Variants in NFIL3 observed in about 807,000 individuals in gnomAD.
NFIL3 encodes nuclear factor, interleukin 3 regulated, also known as nuclear factor interleukin-3-regulated protein.
Under a neutral mutation model 10.0 loss-of-function variants are expected in NFIL3, and 5 were observed. That is an observed-to-expected ratio of 0.50 (90% CI 0.26 to 1.06). The LOEUF (loss-of-function observed/expected upper bound fraction) is 1.06. NFIL3 is among the 50% of genes least tolerant of loss of function. The pLI is 0.13. For missense variants in NFIL3, 436 were observed against 547.6 expected, an observed-to-expected ratio of 0.80 and a Z score of 2.03; for synonymous variants, 202 against 206.5, an observed-to-expected ratio of 0.98 and a Z score of 0.19.
At chr9:91,475,679 C>T in the NFIL3 span, among the ~76,000 whole-genome samples, 57 of 151,992 alleles carry the variant, frequency 3.8e-4, 1 homozygote, top group Non-Finnish European at 7.4e-5. Flanking sequence ...TATGCCAGGG[C>T]ATGGTGGGTT....
At chr9:91,468,921 T>G in the NFIL3 span, among the ~76,000 whole-genome samples, 2 of 152,246 alleles carry the variant, frequency 1.3e-5, no homozygotes, top group African/African-American at 4.8e-5. Flanking sequence ...ACCAGTACCA[T>G]GCTGTTTTGG....
At chr9:91,424,146 C>T (rs1300659091), upstream of NFIL3, among the ~76,000 whole-genome samples, 2 of 152,020 alleles carry the variant, frequency 1.3e-5, no homozygotes, top group African/African-American at 4.8e-5. Context: ...GCCGACACGA[C>T]CGGAGCGAGC....
chr9:91,453,295 A>C, the NFIL3 span, among the ~76,000 whole-genome samples: 8 of 152,138 alleles, frequency 5.3e-5, no homozygotes, highest in African/African-American at 1.2e-4. Flanking sequence ...TACCTCTGAA[A>C]AGACTCTATC....
upstream of NFIL3, among the ~76,000 whole-genome samples, chr9:91,425,226 A>G (rs182824876): frequency 6.1e-3 from 933 of 152,360 alleles, 4 homozygotes; most frequent in Non-Finnish European, 9.7e-3. Flanking sequence ...AAACCAAAGT[A>G]AAGAGAAGAG....
the NFIL3 span, among the ~76,000 whole-genome samples, chr9:91,467,460 T>A: frequency 6.6e-6 from 1 of 152,198 alleles, no homozygotes; most frequent in Non-Finnish European, 1.5e-5. Flanking sequence ...TTTTGTATAT[T>A]AACCATGTAT....
chr9:91,410,321 A>T lies in NFIL3; in HGVS notation c.414T>A (p.Ile138=), dbSNP rs936109679. Residue 138 remains isoleucine (I), a synonymous_variant, in exon 2 of 2, where the codon ATT becomes ATA. Coordinates refer to ENST00000297689, the MANE Select transcript of NFIL3 (RefSeq NM_005384.3). This position sits in a 1 kb window ranked among gnomAD's most constrained non-coding sequence, Gnocchi z 5.7. ...LISSTAYAQE[I]QKLSNSTAVY... ...CAGCTGTAGAATTACTGAGTTTCTG[A>T]ATCTCTTGAGCATATGCTGTGGAGC... 6.8e-6 allele frequency: 11 copies of T among 1,614,074 alleles called. No individual in the cohort carries two copies. In the African/African-American group the frequency reaches 1.5e-4, roughly 22 times the overall value.
chr9:91,455,802 C>T, the NFIL3 span, among the ~76,000 whole-genome samples: 15 of 152,264 alleles, frequency 9.9e-5, no homozygotes, highest in Non-Finnish European at 1.9e-4. Context: ...ACGCTATGCA[C>T]GTGGGAGTTA....
chr9:91,423,121 C>A (rs553611007), intron 1 of NFIL3, among the ~76,000 whole-genome samples: 42 of 152,294 alleles, frequency 2.8e-4, no homozygotes, highest in South Asian at 8.3e-4. Context: ...GCCGCGCAGG[C>A]ATTCTCCGAA....
chr9:91,453,979 G>C, the NFIL3 span, among the ~76,000 whole-genome samples: 5 of 151,602 alleles, frequency 3.3e-5, no homozygotes, highest in African/African-American at 1.2e-4. Context: ...CATGCCTGTA[G>C]TCCCAGCACT....
chr9:91,428,123 A>G (rs751823573), upstream of NFIL3, among the ~76,000 whole-genome samples: 5 of 152,224 alleles, frequency 3.3e-5, no homozygotes, highest in South Asian at 1.0e-3. Context: ...CCACTCATGC[A>G]CTTTTATTTC....
chr9:91,409,838 G>A lies in NFIL3; in HGVS notation c.897C>T (p.Ile299=), dbSNP rs1833507396. 2 of 1,613,950 alleles carry A rather than the reference G, an allele frequency of 1.2e-6. No homozygotes were observed. Among genetic ancestry groups the A allele is most frequent in the African/African-American group, 2.7e-5 (2 of 74,848 alleles). ...EDEQQVPKGP[I]HSPVELKHVH... ...CATGCTTGAGTTCAACTGGAGAATG[G>A]ATGGGGCCCTTGGGGACCTGTTGCT... The change falls in exon 2 of 2, where the codon ATC becomes ATT. Residue 299 remains isoleucine (I), a synonymous_variant. Transcript: ENST00000297689.
the NFIL3 span, among the ~76,000 whole-genome samples, chr9:91,436,159 C>T: frequency 1.3e-5 from 2 of 152,248 alleles, no homozygotes; most frequent in African/African-American, 4.8e-5. Flanking sequence ...GCATGGCACA[C>T]TCCTCCAATG....
At chr9:91,482,474 C>T in the NFIL3 span, among the ~76,000 whole-genome samples, 1 of 151,806 alleles carries the variant, frequency 6.6e-6, no homozygotes. Context: ...GGTGATTTTA[C>T]TAGGAGTATA....
chr9:91,483,002 C>T, the NFIL3 span, among the ~76,000 whole-genome samples: 3 of 152,142 alleles, frequency 2.0e-5, no homozygotes, highest in East Asian at 5.8e-4. Flanking sequence ...CATGGGCTTC[C>T]ACAACATCCC....
At chr9:91,461,513 G>T in the NFIL3 span, among the ~76,000 whole-genome samples, 102 of 152,284 alleles carry the variant, frequency 6.7e-4, no homozygotes, top group African/African-American at 2.4e-3. Flanking sequence ...AGATCTGGAG[G>T]TCAGAAGTCT....
chr9:91,450,321 T>A, the NFIL3 span, among the ~76,000 whole-genome samples: 1 of 152,236 alleles, frequency 6.6e-6, no homozygotes, highest in Non-Finnish European at 1.5e-5. Flanking sequence ...TCTTCCTTCT[T>A]TTTAATGTTG....
At chr9:91,416,215 G>T (rs530757685) in intron 1 of NFIL3, among the ~76,000 whole-genome samples, 2 of 150,954 alleles carry the variant, frequency 1.3e-5, no homozygotes, top group Admixed American at 1.3e-4. Flanking sequence ...CATGAGGCGG[G>T]GGACAGTGTC....
chr9:91,444,786 T>G, the NFIL3 span, among the ~76,000 whole-genome samples: 2 of 152,348 alleles, frequency 1.3e-5, no homozygotes, highest in East Asian at 3.9e-4. Flanking sequence ...GTTATTAGGA[T>G]TCTTGGTGGC....
At chr9:91,465,977 G>A in the NFIL3 span, among the ~76,000 whole-genome samples, 24 of 150,350 alleles carry the variant, frequency 1.6e-4, no homozygotes, top group African/African-American at 5.8e-4. Flanking sequence ...AAAGGGTGTG[G>A]TGTGTGTGTG....
Sources: allele counts gnomAD v4.1 joint callset (sites outside exome capture counted in the v4.1 genomes callset), GRCh38; gene constraint gnomAD v4.1.1; non-coding constraint Gnocchi (gnomAD v3.1); transcripts MANE v1.5; gene names NCBI Gene and HGNC (gene_info 2026-07-23, HGNC 2026-07-21).